LRRN4: variants seen among roughly 807,000 people sequenced by gnomAD.
The protein encoded by LRRN4 is leucine-rich repeat neuronal protein 4.
Under a neutral mutation model 22.3 loss-of-function variants are expected in LRRN4, and 26 were observed. The observed-to-expected ratio is 1.16, with a 90% CI of 0.85 to 1.62. The LOEUF is 1.62. Among genes scored for constraint, LRRN4 ranks in the 40% most tolerant of loss-of-function variants. LRRN4 has a pLI of 0.00. For synonymous variants in LRRN4, 496 were observed against 486.2 expected (o/e 1.02, Z -0.26); for missense variants, 1,070 against 1,008.5 (o/e 1.06, Z -0.83).
In LRRN4 at chr20:6,052,773, C is replaced by A; in HGVS notation, c.27G>T (p.Leu9=). 1 of 1,574,820 alleles carries A rather than the reference C, an allele frequency of 6.3e-7. No homozygotes were observed. Among genetic ancestry groups the A allele is most frequent in the Non-Finnish European group, 8.6e-7 (1 of 1,168,082 alleles). MRQTLPLL[L]LTVLRPSWAD... Reference sequence around the variant, plus strand: ...CCCAGCTGGGGCGCAGCACCGTCAGCAGCAGCAGCGGTAGGGTTTGCCGCA... The same window carrying A: ...CCCAGCTGGGGCGCAGCACCGTCAGAAGCAGCAGCGGTAGGGTTTGCCGCA... The change falls in exon 2 of 5, where the codon CTG becomes CTT. Residue 9 remains leucine (L), a synonymous_variant. Coordinates refer to ENST00000378858, the MANE Select transcript of LRRN4 (RefSeq NM_152611.5).
rs1217073032 is a variant in LRRN4 at position 6,040,841 on chromosome 20, G to A, written c.*181C>T. ...TGGGAACAGAGTTAAGTAGAAGGAAGGGAGGGCAGCAGTTCCTTGGACCCA... is the reference window on the plus strand; with the variant it reads ...TGGGAACAGAGTTAAGTAGAAGGAAAGGAGGGCAGCAGTTCCTTGGACCCA... On this transcript the variant is annotated 3_prime_UTR_variant, in exon 5 of 5. Coordinates refer to ENST00000378858, the MANE Select transcript of LRRN4 (RefSeq NM_152611.5). 2.6e-6 allele frequency: 2 copies of A among 772,298 alleles called. No homozygotes were observed. Among genetic ancestry groups the A allele is most frequent in the Admixed American group, 3.0e-5 (1 of 33,792 alleles). The allele number at this position is 772,298 out of a possible 1,614,324, so 47.8% of individuals were successfully genotyped here.
chr20:6,040,707 A>G lies in LRRN4; in HGVS notation c.*315T>C. 1 of 375,916 alleles carries G rather than the reference A, an allele frequency of 2.7e-6. No homozygotes were observed. Among genetic ancestry groups the G allele is most frequent in the African/African-American group, 2.1e-5 (1 of 47,014 alleles). 23.3% of individuals were successfully genotyped at this position (375,916 alleles called of 1,614,324 possible). The stretch of plus-strand genomic sequence containing the variant: ...TCATCCCTTCCTACGTCCATACACT[A>G]TTCTACTGGATAGAGAGGCACTGAC... On this transcript the variant is annotated 3_prime_UTR_variant, in exon 5 of 5. Coordinates refer to ENST00000378858, the MANE Select transcript of LRRN4 (RefSeq NM_152611.5).
intron 2 of LRRN4, among the ~76,000 whole-genome samples, chr20:6,051,631 A>T (rs1306815298): frequency 6.6e-6 from 1 of 152,222 alleles, no homozygotes; most frequent in Non-Finnish European, 1.5e-5. Flanking sequence ...GTGATTAAAC[A>T]TTCACAGAAA....
In LRRN4 at chr20:6,045,444, T is replaced by C. The variant is rs549619078; in HGVS notation, c.861-764A>G. On this transcript the variant is annotated intron_variant, in intron 3 of 4. Transcript: ENST00000378858. ...GAGAGTGAGACCCTGTCTCAAAAAA[T>C]AAAACAAAACAAAACAAACAACAAC... 1.1e-3 allele frequency among the ~76,000 whole-genome samples: 168 copies of C among 147,606 alleles called. 26 individuals carry two copies. Among genetic ancestry groups the C allele is most frequent in the African/African-American group, 6.1e-4 (25 of 40,706 alleles).
intron 3 of LRRN4, among the ~76,000 whole-genome samples, chr20:6,046,169 A>T (rs2123054199): frequency 6.7e-6 from 1 of 148,474 alleles, no homozygotes; most frequent in South Asian, 2.1e-4. Flanking sequence ...ACAATTGGCC[A>T]GGCATGGTGG....
intron 4 of LRRN4, 134 bp downstream of exon 4, chr20:6,044,409 A>G (rs561839606): frequency 2.0e-5 from 18 of 892,716 alleles, no homozygotes; most frequent in African/African-American, 1.9e-4. Context: ...GAGTATGACT[A>G]CATGGGAAAG....
In LRRN4 at chr20:6,052,940, C is replaced by T. The variant is rs1022719112; in HGVS notation, c.-5-136G>A. ...GGATGTTCCCTGCAGGGCGGGGAGA[C>T]GTTCCCAGAGTCGCCTAGTGTGCAG... On this transcript the variant is annotated intron_variant, in intron 1 of 4. Transcript: ENST00000378858. 56 of 954,878 alleles carry T rather than the reference C, an allele frequency of 5.9e-5. No individual in the cohort carries two copies. In the Admixed American group the frequency reaches 1.3e-3, roughly 22 times the overall value. 59.2% of individuals were successfully genotyped at this position (954,878 alleles called of 1,614,324 possible).
At chr20:6,053,286 C>T (rs1426894779) in intron 1 of LRRN4, among the ~76,000 whole-genome samples, 1 of 152,152 alleles carries the variant, frequency 6.6e-6, no homozygotes, top group Non-Finnish European at 1.5e-5. Context: ...CTCAGTTACC[C>T]CGCTTTTCCC....
rs1285265920 is a variant in LRRN4 at position 6,041,701 on chromosome 20, G to C, written c.1544C>G (p.Ser515Cys). The change falls in exon 5 of 5, where the codon TCC becomes TGC. Residue 515 changes from serine to cysteine, a missense_variant. By Grantham distance (112) the Ser-to-Cys change is moderately radical (BLOSUM62 -1). Coordinates refer to ENST00000378858, the MANE Select transcript of LRRN4 (RefSeq NM_152611.5). The surrounding 1 kb of genome is among the most constrained non-coding windows in gnomAD (Gnocchi z 9.4). ...ATPQAPNPSLSEGEIPVLLLD... is the reference protein window; with the variant it reads ...ATPQAPNPSLCEGEIPVLLLD... Reference sequence around the variant, plus strand: ...CAGCAAGACTGGAATCTCGCCCTCGGAAAGACTCGGGTTGGGGGCTTGGGG... The same window carrying C: ...CAGCAAGACTGGAATCTCGCCCTCGCAAAGACTCGGGTTGGGGGCTTGGGG... The C allele has an allele frequency of 3.1e-6, 5 of 1,613,214 alleles. No individual in the cohort carries two copies. Among genetic ancestry groups the C allele is most frequent in the Non-Finnish European group, 4.2e-6 (5 of 1,179,492 alleles).
rs191878152 is a variant in LRRN4, at chr20:6,048,577, C to T, written c.860+2202G>A. Among the ~76,000 whole-genome samples, 442 of 152,182 alleles carry T rather than the reference C, an allele frequency of 2.9e-3. 2 individuals carry two copies. The highest frequency in any genetic ancestry group is 0.01 in the African/African-American group (422 of 41,518). On this transcript the variant is annotated intron_variant, in intron 3 of 4. Transcript: ENST00000378858. ...CCCTGTGTCTCAGTTTTTTCATCTGCGAAATGGGAATAATGACTGAATCCT... is the reference window on the plus strand; with the variant it reads ...CCCTGTGTCTCAGTTTTTTCATCTGTGAAATGGGAATAATGACTGAATCCT...
At chr20:6,050,257 C>T (rs1048015584) in intron 3 of LRRN4, among the ~76,000 whole-genome samples, 3 of 152,218 alleles carry the variant, frequency 2.0e-5, no homozygotes, top group Admixed American at 2.0e-4. Context: ...AATGGTTCTG[C>T]CTTTGCTTTG....
In LRRN4 at chr20:6,040,970, C is replaced by G; in HGVS notation, c.*52G>C. The G allele has an allele frequency of 8.9e-6, 14 of 1,576,216 alleles. No individual in the cohort carries two copies. Among genetic ancestry groups the G allele is most frequent in the African/African-American group, 1.4e-5 (1 of 73,928 alleles). On this transcript the variant is annotated 3_prime_UTR_variant, in exon 5 of 5. Coordinates refer to ENST00000378858, the MANE Select transcript of LRRN4 (RefSeq NM_152611.5). ...GGTCGTTTTTGACCGTCTGTGTCTT[C>G]CTTTTTGCGCTCAGATCCAGTTCGA...
intron 3 of LRRN4, among the ~76,000 whole-genome samples, chr20:6,047,425 TACACAC>T (rs57188958): frequency 0.077 from 9,833 of 128,400 alleles, 407 homozygotes; most frequent in African/African-American, 0.12. Flanking sequence ...CAGACACACA[TACACAC>T]ACACACACAC....
At chr20:6,050,454 C>T (rs1398276554) in intron 3 of LRRN4, among the ~76,000 whole-genome samples, 2 of 152,184 alleles carry the variant, frequency 1.3e-5, no homozygotes, top group Non-Finnish European at 2.9e-5. Context: ...GAAAGCAGAT[C>T]CAGACAGAGA....
At position 6,041,587 on chromosome 20, in the gene LRRN4, T is replaced by C. The variant is rs771704314; in HGVS notation, c.1658A>G (p.Lys553Arg). The C allele has an allele frequency of 6.4e-7, 1 of 1,566,810 alleles. No individual in the cohort carries two copies. The highest frequency in any genetic ancestry group is 8.7e-7 in the Non-Finnish European group (1 of 1,154,042). Residue 553 changes from lysine to arginine, a missense_variant, in exon 5 of 5, where the codon AAG becomes AGG. Transcript: ENST00000378858. This position sits in a 1 kb window ranked among gnomAD's most constrained non-coding sequence, Gnocchi z 9.4. ...CTCCGCGCACGGGGTCTGCAGGTGC[T>C]TGCAGGGATGGTAATCACAGGGGAC... ...QDVPCDYHPC[K>R]HLQTPCAELQ...
intron 3 of LRRN4, among the ~76,000 whole-genome samples, chr20:6,046,966 T>C (rs6076916): frequency 0.097 from 14,790 of 151,842 alleles, 865 homozygotes; most frequent in Middle Eastern, 0.21. Context: ...AAGAGGATTA[T>C]ATTTTTTTTT....
rs570602300 is a variant in LRRN4, at chr20:6,040,826, G to A, written c.*196C>T. ...TGACCATCAGGTTTCTGGGAACAGA[G>A]TTAAGTAGAAGGAAGGGAGGGCAGC... On this transcript the variant is annotated 3_prime_UTR_variant, in exon 5 of 5. Transcript: ENST00000378858. 3 of 709,898 alleles carry A rather than the reference G, an allele frequency of 4.2e-6. No homozygotes were observed. In the African/African-American group the frequency reaches 5.4e-5, roughly 13 times the overall value. 44.0% of individuals were successfully genotyped at this position (709,898 alleles called of 1,614,324 possible).
At chr20:6,047,728 T>C (rs1417357706) in intron 3 of LRRN4, among the ~76,000 whole-genome samples, 4 of 150,844 alleles carry the variant, frequency 2.7e-5, no homozygotes, top group Admixed American at 6.6e-5. Flanking sequence ...GAGGTGAAGA[T>C]TGCAGTGAGC....
At chr20:6,043,635 G>A (rs955209534) in intron 4 of LRRN4, among the ~76,000 whole-genome samples, 1 of 152,064 alleles carries the variant, frequency 6.6e-6, no homozygotes, top group African/African-American at 2.4e-5. Context: ...GCCGGGCATG[G>A]TGGTTCATGC....
Sources: allele counts gnomAD v4.1 joint callset (sites outside exome capture counted in the v4.1 genomes callset), GRCh38; gene constraint gnomAD v4.1.1; non-coding constraint Gnocchi (gnomAD v3.1); transcripts MANE v1.5; gene names NCBI Gene and HGNC (gene_info 2026-07-23, HGNC 2026-07-21).